ZNF385D: variants seen among roughly 807,000 people sequenced by gnomAD.
The protein encoded by ZNF385D is zinc finger protein 385D, also known as zinc finger protein 659.
Under a neutral mutation model 35.8 loss-of-function variants are expected in ZNF385D, and 15 were observed. The observed-to-expected ratio is 0.42, with a 90% CI of 0.28 to 0.64. The LOEUF is 0.64. Ranked by LOEUF, ZNF385D falls within the 30% of genes least tolerant of loss-of-function variation. The pLI is 0.23. For synonymous variants in ZNF385D, 212 were observed against 186.8 expected, an observed-to-expected ratio of 1.13 and a Z score of -1.10; for missense variants, 474 against 494.6, an observed-to-expected ratio of 0.96 and a Z score of 0.39.
intron 3 of ZNF385D, among the ~76,000 whole-genome samples, chr3:21,818,193 T>C (rs1167836681): frequency 7.5e-6 from 1 of 133,056 alleles, no homozygotes; most frequent in Non-Finnish European, 1.6e-5. Flanking sequence ...GGGGTGGGGA[T>C]GGGGGAGGGA....
At chr3:22,115,810 A>G (rs754537522) in intron 3 of ZNF385D, among the ~76,000 whole-genome samples, 1 of 152,052 alleles carries the variant, frequency 6.6e-6, no homozygotes, top group African/African-American at 2.4e-5. Flanking sequence ...ATCAGGAAAA[A>G]CCGCTAGCAG....
rs1369063053 is a variant in ZNF385D at position 21,455,284 on chromosome 3, C to T, written c.440-18081G>A. On this transcript the variant is annotated intron_variant, in intron 4 of 7. Transcript: ENST00000281523. ...AAAGAACCCGCATCGCCAAGTCAATCCTAAGCCAAAAGAACAAAGCTGGAG... is the reference window on the plus strand; with the variant it reads ...AAAGAACCCGCATCGCCAAGTCAATTCTAAGCCAAAAGAACAAAGCTGGAG... Among the ~76,000 whole-genome samples, 6 of 152,288 alleles carry T rather than the reference C, an allele frequency of 3.9e-5. No homozygotes were observed. In the East Asian group the frequency reaches 7.7e-4, roughly 20 times the overall value.
intron 2 of ZNF385D, among the ~76,000 whole-genome samples, chr3:22,368,747 A>G (rs1420763478): frequency 6.6e-6 from 1 of 152,152 alleles, no homozygotes; most frequent in African/African-American, 2.4e-5. Context: ...AACCCGAATC[A>G]TTTCTCAAAG....
In ZNF385D at chr3:21,419,349, T is replaced by C. The variant is rs1326579074; in HGVS notation, c.*1865A>G. 6.6e-6 allele frequency: 1 copy of C among 152,116 alleles called. No homozygotes were observed. The highest frequency in any genetic ancestry group is 1.5e-5 in the Non-Finnish European group (1 of 68,020). 9.4% of individuals were successfully genotyped at this position (152,116 alleles called of 1,614,324 possible). ...CTATAGCTAGATGGTGGAGAAGAACTCCAAAAAACCATGTTTAATGTTGAG... is the reference window on the plus strand; with the variant it reads ...CTATAGCTAGATGGTGGAGAAGAACCCCAAAAAACCATGTTTAATGTTGAG... On this transcript the variant is annotated 3_prime_UTR_variant, in exon 8 of 8. Transcript: ENST00000281523.
At chr3:21,909,172 A>C (rs9812511) in intron 3 of ZNF385D, among the ~76,000 whole-genome samples, 12,854 of 152,110 alleles carry the variant, frequency 0.085, 675 homozygotes, top group South Asian at 0.21. Context: ...CCTGTGAGAC[A>C]TAAGTTCGTC....
chr3:22,161,738 G>A (rs1032841647), intron 3 of ZNF385D, among the ~76,000 whole-genome samples: 1 of 152,132 alleles, frequency 6.6e-6, no homozygotes, highest in East Asian at 1.9e-4. Flanking sequence ...AATATTCTCA[G>A]CAGTTAGAGT....
intron 3 of ZNF385D, among the ~76,000 whole-genome samples, chr3:22,116,261 T>C (rs559219272): frequency 6.6e-6 from 1 of 152,224 alleles, no homozygotes; most frequent in East Asian, 1.9e-4. Context: ...CCCGGATGTC[T>C]ACATTTGACA....
At chr3:21,902,277 G>C (rs1437986841) in intron 3 of ZNF385D, among the ~76,000 whole-genome samples, 1 of 152,080 alleles carries the variant, frequency 6.6e-6, no homozygotes, top group African/African-American at 2.4e-5. Context: ...AGTAAAAATA[G>C]GTCTTCTAGT....
At chr3:21,714,837 T>G (rs2068249442) in intron 1 of ZNF385D, among the ~76,000 whole-genome samples, 1 of 152,208 alleles carries the variant, frequency 6.6e-6, no homozygotes, top group African/African-American at 2.4e-5. Context: ...AATTTCATTG[T>G]GTATGTTTAT....
At chr3:22,077,210 A>G (rs1700508269) in intron 3 of ZNF385D, among the ~76,000 whole-genome samples, 1 of 151,938 alleles carries the variant, frequency 6.6e-6, no homozygotes, top group Non-Finnish European at 1.5e-5. Flanking sequence ...TGAATGTTTC[A>G]TTTCTTTACT....
intron 2 of ZNF385D, among the ~76,000 whole-genome samples, chr3:21,603,582 AAAC>A (rs1439100289): frequency 2.6e-5 from 4 of 152,208 alleles, no homozygotes; most frequent in Non-Finnish European, 5.9e-5. Flanking sequence ...TAATAACTCT[AAAC>A]AAGTGACAAC....
intron 3 of ZNF385D, among the ~76,000 whole-genome samples, chr3:21,527,294 T>A (rs751058377): frequency 9.9e-5 from 15 of 152,194 alleles, no homozygotes; most frequent in Non-Finnish European, 1.9e-4. Flanking sequence ...TGACGAAGAT[T>A]TCTTGGTTTA....
At chr3:22,023,423 G>A (rs1697340061) in intron 3 of ZNF385D, among the ~76,000 whole-genome samples, 1 of 152,176 alleles carries the variant, frequency 6.6e-6, no homozygotes, top group South Asian at 2.1e-4. Flanking sequence ...AAACCCAGCG[G>A]CATAGACCAC....
At chr3:22,347,063 G>A (rs868348021) in intron 2 of ZNF385D, among the ~76,000 whole-genome samples, 19 of 152,048 alleles carry the variant, frequency 1.2e-4, no homozygotes, top group Middle Eastern at 3.2e-3. Context: ...AAGGATTAAT[G>A]TAAGACACTG....
chr3:21,999,963 C>T (rs564856765), intron 3 of ZNF385D, among the ~76,000 whole-genome samples: 2 of 152,172 alleles, frequency 1.3e-5, no homozygotes, highest in South Asian at 4.2e-4. Flanking sequence ...GAGATACACA[C>T]ATCCAGACAC....
chr3:21,717,818 G>A (rs917203057), intron 1 of ZNF385D, among the ~76,000 whole-genome samples: 2 of 152,130 alleles, frequency 1.3e-5, no homozygotes, highest in Non-Finnish European at 2.9e-5. Context: ...CTAGCCATGT[G>A]GAACTGTGAG....
intron 2 of ZNF385D, among the ~76,000 whole-genome samples, chr3:21,641,327 A>G (rs2065598199): frequency 6.6e-6 from 1 of 151,816 alleles, no homozygotes; most frequent in Admixed American, 6.6e-5. Context: ...CAAGTTGGTG[A>G]AGAGGAATAG....
intron 3 of ZNF385D, among the ~76,000 whole-genome samples, chr3:21,866,329 C>G (rs7652837): frequency 0.45 from 68,491 of 151,554 alleles, 15,741 homozygotes; most frequent in African/African-American, 0.52. Flanking sequence ...TGGCGTGCAC[C>G]TGTAATCGCA....
chr3:22,274,608 T>C (rs1052464253), intron 2 of ZNF385D, among the ~76,000 whole-genome samples: 2 of 152,006 alleles, frequency 1.3e-5, no homozygotes, highest in Non-Finnish European at 1.5e-5. Flanking sequence ...TTTGGCTGTT[T>C]AACAGTTTGG....
Sources: allele counts gnomAD v4.1 joint callset (sites outside exome capture counted in the v4.1 genomes callset), GRCh38; gene constraint gnomAD v4.1.1; transcripts MANE v1.5; gene names NCBI Gene and HGNC (gene_info 2026-07-23, HGNC 2026-07-21).